ATG2A: variants seen among roughly 807,000 people sequenced by gnomAD.
ATG2A encodes the protein autophagy-related protein 2 homolog A.
In ATG2A, 103 loss-of-function variants were observed where a neutral mutation model predicts 214.2. That is an observed-to-expected ratio of 0.48 (90% CI 0.41 to 0.57). The LOEUF is 0.57. Among genes scored for constraint, ATG2A ranks in the 20% least tolerant of loss-of-function variants. ATG2A has a pLI of 0.00. For synonymous variants in ATG2A, 1,160 were observed against 1,142.1 expected (o/e 1.02, Z -0.32); for missense variants, 2,312 against 2,613.2 (o/e 0.88, Z 2.51).
chr11:64,900,536 G>GCTGCCCCC lies in ATG2A; in HGVS notation c.4414_4421dup (p.Ser1474ArgfsTer16). On this transcript the variant is annotated frameshift_variant, in exon 31 of 41. Transcript: ENST00000377264. LOFTEE classifies it high-confidence loss of function. ...CCATGAGGACATGGTGCTGCCGCCC[G>GCTGCCCCC]CTGCCCCCCTGCGTGCGCCATGAGT... 1 of 1,613,360 alleles carries GCTGCCCCC rather than the reference G, an allele frequency of 6.2e-7. No homozygotes were observed. The highest frequency in any genetic ancestry group is 1.1e-5 in the South Asian group (1 of 91,080).
rs1156550266 is a variant in ATG2A, at chr11:64,913,693, T to TA, written c.590+127dup. On this transcript the variant is annotated intron_variant, in intron 4 of 40. Transcript: ENST00000377264. The surrounding 1 kb of genome is among the most constrained non-coding windows in gnomAD (Gnocchi z 4.3). ...ACGATGCAGCCCACCTCCCCAACCC[T>TA]ACCACCACCGAGGCCCATCCAGATC... 1.2e-5 allele frequency: 12 copies of TA among 975,366 alleles called. No individual in the cohort carries two copies. In the Admixed American group the frequency reaches 2.6e-4, roughly 21 times the overall value. 60.4% of individuals were successfully genotyped at this position (975,366 alleles called of 1,614,324 possible). A position where few individuals can be genotyped will look rare whatever the true frequency, so the allele number is the denominator to read the frequency against.
chr11:64,910,801 C>T lies in ATG2A; in HGVS notation c.1614+6G>A, dbSNP rs780583130. 5.0e-6 allele frequency: 8 copies of T among 1,610,554 alleles called. No homozygotes were observed. The highest frequency in any genetic ancestry group is 1.3e-5 in the African/African-American group (1 of 74,848). ...CGCCTCGTACACATTCTGCCTCTGCCCTCACCTCCGTGTACTCAGGCTCAG... is the reference window on the plus strand; with the variant it reads ...CGCCTCGTACACATTCTGCCTCTGCTCTCACCTCCGTGTACTCAGGCTCAG... On this transcript the variant is annotated splice_donor_region_variant and intron_variant, in intron 11 of 40. Transcript: ENST00000377264.
rs1555182638 is a variant in ATG2A, at chr11:64,898,198, C to A, written c.4774-28G>T. On this transcript the variant is annotated intron_variant, in intron 33 of 40. Coordinates refer to ENST00000377264, the MANE Select transcript of ATG2A (RefSeq NM_015104.3). The surrounding 1 kb of genome is among the most constrained non-coding windows in gnomAD (Gnocchi z 4.5). The stretch of plus-strand genomic sequence containing the variant: ...GCAAGGGAGAGGTCCAGATGTGGAT[C>A]AGACTCAGAGGCCTGGAGACAGTGG... 33 of 1,613,868 alleles carry A rather than the reference C, an allele frequency of 2.0e-5. No individual in the cohort carries two copies. Among genetic ancestry groups the A allele is most frequent in the Non-Finnish European group, 2.7e-5 (32 of 1,179,848 alleles).
At chr11:64,912,486 A>C in intron 6 of ATG2A, 63 bp from the exon 7 acceptor site, 1 of 1,374,026 alleles carries the variant, frequency 7.3e-7, no homozygotes, top group Non-Finnish European at 9.8e-7. Flanking sequence ...AAGAGCTACC[A>C]CCCGCCTGCC....
In ATG2A at chr11:64,897,404, G is replaced by C. The variant is rs1326500066; in HGVS notation, c.5150+8C>G. Reference sequence around the variant, plus strand: ...CCCTGGAGAGAGGCTGGGGTGCTGGGGACTCACCCGTGCCTGCAACAGAGC... The same window carrying C: ...CCCTGGAGAGAGGCTGGGGTGCTGGCGACTCACCCGTGCCTGCAACAGAGC... On this transcript the variant is annotated splice_region_variant and intron_variant, in intron 37 of 40. Transcript: ENST00000377264. 8 of 1,558,170 alleles carry C rather than the reference G, an allele frequency of 5.1e-6. No individual in the cohort carries two copies. The African/African-American group carries it at 8.2e-5, about 16-fold the overall frequency.
intron 31 of ATG2A, among the ~76,000 whole-genome samples, chr11:64,899,093 C>T (rs1944263211): frequency 6.6e-6 from 1 of 152,296 alleles, no homozygotes; most frequent in East Asian, 1.9e-4. Flanking sequence ...TTAGTAGAGA[C>T]AGGGTTTCAC....
chr11:64,897,750 A>T lies in ATG2A; in HGVS notation c.4995-7T>A, dbSNP rs1229287833. ...AGACGTGAAGCGGAACTCTCTGGGT[A>T]GGGGAGCAGGAAGAGGGGGTTCTTT... On this transcript the variant is annotated splice_polypyrimidine_tract_variant and splice_region_variant and intron_variant, in intron 35 of 40. Coordinates refer to ENST00000377264, the MANE Select transcript of ATG2A (RefSeq NM_015104.3). 5 of 1,614,092 alleles carry T rather than the reference A, an allele frequency of 3.1e-6. No individual in the cohort carries two copies. The highest frequency in any genetic ancestry group is 3.4e-6 in the Non-Finnish European group (4 of 1,180,034).
Position 64,906,315 on chromosome 11 carries a change from A to C in ATG2A, c.3183+19T>G. The C allele has an allele frequency of 2.5e-6, 4 of 1,611,550 alleles. No homozygotes were observed. Among genetic ancestry groups the C allele is most frequent in the African/African-American group, 1.3e-5 (1 of 75,006 alleles). On this transcript the variant is annotated intron_variant, in intron 21 of 40. Coordinates refer to ENST00000377264, the MANE Select transcript of ATG2A (RefSeq NM_015104.3). ...CAGCCCAGGCTAGCAGGAGGGGTGGATGGTAGGCAAGCCCATACCTTCACA... is the reference window on the plus strand; with the variant it reads ...CAGCCCAGGCTAGCAGGAGGGGTGGCTGGTAGGCAAGCCCATACCTTCACA...
chr11:64,895,212 G>A lies in ATG2A; in HGVS notation c.5581-3C>T, dbSNP rs528648932. 20 of 1,613,068 alleles carry A rather than the reference G, an allele frequency of 1.2e-5. No individual in the cohort carries two copies. The Admixed American group carries it at 1.7e-4, about 13-fold the overall frequency. The stretch of plus-strand genomic sequence containing the variant: ...GTCTGAGCTGTATCCAAGATGCCCT[G>A]TGGAAGCCAGAGGTCAGGGCGGGGT... On this transcript the variant is annotated splice_polypyrimidine_tract_variant and splice_region_variant and intron_variant, in intron 40 of 40. Coordinates refer to ENST00000377264, the MANE Select transcript of ATG2A (RefSeq NM_015104.3). This position sits in a 1 kb window ranked among gnomAD's most constrained non-coding sequence, Gnocchi z 5.0.
intron 24 of ATG2A, 54 bp downstream of exon 24, chr11:64,905,509 G>A: frequency 6.6e-7 from 1 of 1,524,400 alleles, no homozygotes; most frequent in Non-Finnish European, 9.0e-7. Context: ...ACAGCTGGCA[G>A]GCAGCTTCGG....
In ATG2A at chr11:64,898,974, C is replaced by T. The variant is rs113792433; in HGVS notation, c.4465-132G>A. On this transcript the variant is annotated intron_variant, in intron 31 of 40. Transcript: ENST00000377264. This position sits in a 1 kb window ranked among gnomAD's most constrained non-coding sequence, Gnocchi z 4.5. ...TGTCGCCCAGGTTGGAGTGCAGTGGCGTGATCTCGGCTCACTGCAACCTCT... is the reference window on the plus strand; with the variant it reads ...TGTCGCCCAGGTTGGAGTGCAGTGGTGTGATCTCGGCTCACTGCAACCTCT... 2.9e-5 allele frequency: 24 copies of T among 822,912 alleles called. No individual in the cohort carries two copies. Among genetic ancestry groups the T allele is most frequent in the African/African-American group, 2.1e-4 (12 of 58,298 alleles). The allele number at this position is 822,912 out of a possible 1,614,324, so 51.0% of individuals were successfully genotyped here.
rs1183267456 is a variant in ATG2A at position 64,913,497 on chromosome 11, G to A, written c.591-96C>T. 1 of 1,414,354 alleles carries A rather than the reference G, an allele frequency of 7.1e-7. No homozygotes were observed. The highest frequency in any genetic ancestry group is 2.5e-5 in the East Asian group (1 of 39,934). 87.6% of individuals were successfully genotyped at this position (1,414,354 alleles called of 1,614,324 possible). On this transcript the variant is annotated intron_variant, in intron 4 of 40. Coordinates refer to ENST00000377264, the MANE Select transcript of ATG2A (RefSeq NM_015104.3). The surrounding 1 kb of genome is among the most constrained non-coding windows in gnomAD (Gnocchi z 4.3). ...TGCTCTAGGGGCACGGGGTCAGGGAGCCTAGCCTGCAGAGCTGCCCCATCA... is the reference window on the plus strand; with the variant it reads ...TGCTCTAGGGGCACGGGGTCAGGGAACCTAGCCTGCAGAGCTGCCCCATCA...
chr11:64,910,647 C>A lies in ATG2A; in HGVS notation c.1676G>T (p.Arg559Leu). The change falls in exon 12 of 41, where the codon CGC (arginine) becomes CTC (leucine). Residue 559 changes from arginine to leucine, a missense_variant. Physicochemically the swap from Arg to Leu is moderately radical, Grantham distance 102. Transcript: ENST00000377264. ...QASARPCAHLRHTQILRRVPK... is the reference protein window; with the variant it reads ...QASARPCAHLLHTQILRRVPK... ...CACACGGCGCAGGATCTGTGTGTGGCGCAGATGGGCGCAGGGCCGAGCTGA... is the reference window on the plus strand; with the variant it reads ...CACACGGCGCAGGATCTGTGTGTGGAGCAGATGGGCGCAGGGCCGAGCTGA... 6.2e-7 allele frequency: 1 copy of A among 1,607,772 alleles called. No individual in the cohort carries two copies. Among genetic ancestry groups the A allele is most frequent in the East Asian group, 2.2e-5 (1 of 44,496 alleles).
chr11:64,895,369 G>A lies in ATG2A; in HGVS notation c.5501C>T (p.Ser1834Phe). 6.2e-7 allele frequency: 1 copy of A among 1,612,904 alleles called. No individual in the cohort carries two copies. The highest frequency in any genetic ancestry group is 1.1e-5 in the South Asian group (1 of 91,004). The change falls in exon 40 of 41, where the codon TCT (serine) becomes TTT (phenylalanine). Residue 1834 changes from serine (S) to phenylalanine (F), a missense_variant. Coordinates refer to ENST00000377264, the MANE Select transcript of ATG2A (RefSeq NM_015104.3). The surrounding 1 kb of genome is among the most constrained non-coding windows in gnomAD (Gnocchi z 5.0). ...CTGGCCCCTGCGCAGCCTCCGCGCA[G>A]AGCGCTTATCCTGCAGGGAGCGGGA... Reference protein sequence around the residue: ...PVSRSLQDKRSARRLRRGQQP... With the variant: ...PVSRSLQDKRFARRLRRGQQP...
intron 12 of ATG2A, 138 bp from the exon 13 acceptor site, chr11:64,910,333 G>T: frequency 7.7e-7 from 1 of 1,304,918 alleles, no homozygotes; most frequent in African/African-American, 1.5e-5. Flanking sequence ...ACCTTTGCCC[G>T]ACGCGCACAA....
In ATG2A at chr11:64,898,410, GCAGCTCACCCAGCTGTTCCCTGA is replaced by G. The variant is rs770376438; in HGVS notation, c.4672-71_4672-49del. ...GGACACCTGCTGGGCCTCTGGGGCAGCAGCTCACCCAGCTGTTCCCTGACAGCTCACCCAGCCACCCTGCCTCT... is the reference window on the plus strand; with the variant it reads ...GGACACCTGCTGGGCCTCTGGGGCAGCAGCTCACCCAGCCACCCTGCCTCT... On this transcript the variant is annotated intron_variant, in intron 32 of 40. Transcript: ENST00000377264. The surrounding 1 kb of genome is among the most constrained non-coding windows in gnomAD (Gnocchi z 4.5). 2.3e-5 allele frequency: 35 copies of G among 1,499,096 alleles called. No individual in the cohort carries two copies. In the African/African-American group the frequency reaches 2.5e-4, roughly 11 times the overall value. 92.9% of individuals were successfully genotyped at this position (1,499,096 alleles called of 1,614,324 possible).
chr11:64,897,130 G>C lies in ATG2A; in HGVS notation c.5151-261C>G, dbSNP rs1304365142. 4 of 622,172 alleles carry C rather than the reference G, an allele frequency of 6.4e-6. No individual in the cohort carries two copies. In the Admixed American group the frequency reaches 1.2e-4, roughly 19 times the overall value. The allele number at this position is 622,172 out of a possible 1,614,324, so 38.5% of individuals were successfully genotyped here. ...CCTCCCAGGTTCAAGCAGTTCTCCT[G>C]CCTCAGCCTCCTGAGTAGCTGGGAT... On this transcript the variant is annotated intron_variant, in intron 37 of 40. Transcript: ENST00000377264.
chr11:64,898,000 G>GTT, intron 34 of ATG2A, 26 bp from the exon 35 acceptor site: 1 of 1,576,806 alleles, frequency 6.3e-7, no homozygotes, highest in Non-Finnish European at 8.6e-7. Flanking sequence ...TCACAGACTG[G>GTT]GGATGGGGCC....
In ATG2A at chr11:64,903,627, G is replaced by C; in HGVS notation, c.3498C>G (p.Ser1166=). Residue 1166 remains serine (S), a synonymous_variant, in exon 25 of 41, where the codon TCC becomes TCG. Coordinates refer to ENST00000377264, the MANE Select transcript of ATG2A (RefSeq NM_015104.3). This position sits in a 1 kb window ranked among gnomAD's most constrained non-coding sequence, Gnocchi z 4.2. The part of the protein sequence containing the change: ...FILDDSALYL[S]DKCEVETLDL... ...CCAGGGTCTCCACCTCACACTTGTC[G>C]GACAGGTACAAGGCGGAGTCATCGA... 6.5e-7 allele frequency: 1 copy of C among 1,550,088 alleles called. No individual in the cohort carries two copies. The highest frequency in any genetic ancestry group is 1.2e-5 in the South Asian group (1 of 84,056).
Sources: allele counts gnomAD v4.1 joint callset (sites outside exome capture counted in the v4.1 genomes callset), GRCh38; gene constraint gnomAD v4.1.1; non-coding constraint Gnocchi (gnomAD v3.1); transcripts MANE v1.5; gene names NCBI Gene and HGNC (gene_info 2026-07-23, HGNC 2026-07-21).